PNLDC1: variants seen among roughly 807,000 people sequenced by gnomAD.
PNLDC1 encodes poly(A)-specific ribonuclease PNLDC1.
Under a neutral mutation model 82.0 loss-of-function variants are expected in PNLDC1, and 70 were observed. The observed-to-expected ratio is 0.85, with a 90% CI of 0.70 to 1.04. The LOEUF (loss-of-function observed/expected upper bound fraction) is 1.04, where lower values mean the gene tolerates loss of function less well. PNLDC1 is among the 50% of genes least tolerant of loss of function. The probability of loss-of-function intolerance (pLI) is 0.00; values close to 1 mark genes in which losing one functional copy is unlikely to be tolerated. For missense variants in PNLDC1, 631 were observed against 661.1 expected (o/e 0.95, Z 0.50); for synonymous variants, 280 against 249.3 (o/e 1.12, Z -1.16).
intron 3 of PNLDC1, among the ~76,000 whole-genome samples, chr6:159,801,849 C>G (rs1189472332): frequency 6.6e-6 from 1 of 151,142 alleles, no homozygotes; most frequent in Non-Finnish European, 1.5e-5. Flanking sequence ...ATTTGGAGAT[C>G]TTTCTGTATC....
chr6:159,818,551 G>GCAGCAT lies in PNLDC1; in HGVS notation c.1158-2_1161dup. 1 of 1,613,326 alleles carries GCAGCAT rather than the reference G, an allele frequency of 6.2e-7. No individual in the cohort carries two copies. Among genetic ancestry groups the GCAGCAT allele is most frequent in the Non-Finnish European group, 8.5e-7 (1 of 1,179,906 alleles). On this transcript the variant is annotated splice_polypyrimidine_tract_variant and splice_region_variant and intron_variant, in intron 15 of 18. Coordinates refer to ENST00000392167, the MANE Select transcript of PNLDC1 (RefSeq NM_001271862.2). ...GACAGCTTTGGGGTTTTCTGTCCTT[G>GCAGCAT]CAGCATCGACCCCGTGCCCGAGTCA...
At position 159,816,013 on chromosome 6, in the gene PNLDC1, C is replaced by A. The variant is rs201888579; in HGVS notation, c.1040C>A (p.Ala347Glu). 6.2e-7 allele frequency: 1 copy of A among 1,613,236 alleles called. No individual in the cohort carries two copies. The highest frequency in any genetic ancestry group is 1.1e-5 in the South Asian group (1 of 91,028). The stretch of plus-strand genomic sequence containing the variant: ...AATTCTGGACCAGAGATTGTTCACG[C>A]GAGCAGGTGTGAGAAATATGGTACG... ...TKNSGPEIVH[A>E]SRCEKYVETK... The change falls in exon 13 of 19, where the codon GCG becomes GAG. Residue 347 changes from alanine to glutamate, a missense_variant. Physicochemically the swap from Ala to Glu is moderately radical, Grantham distance 107 (BLOSUM62 -1). Coordinates refer to ENST00000392167, the MANE Select transcript of PNLDC1 (RefSeq NM_001271862.2).
chr6:159,808,629 C>T, intron 7 of PNLDC1, 111 bp from the exon 8 acceptor site: 1 of 1,011,780 alleles, frequency 9.9e-7, no homozygotes, highest in Non-Finnish European at 1.5e-6. Context: ...CCTTCAAGCT[C>T]CCTTTCCACT....
intron 3 of PNLDC1, among the ~76,000 whole-genome samples, 197 bp downstream of exon 3, chr6:159,801,383 CT>C (rs1173698217): frequency 6.6e-6 from 1 of 152,182 alleles, no homozygotes; most frequent in African/African-American, 2.4e-5. Context: ...TGTTTCCGTG[CT>C]TAAATAAGTC....
upstream of PNLDC1, among the ~76,000 whole-genome samples, chr6:159,799,462 T>TAAA (rs3065247): frequency 0.47 from 71,436 of 151,474 alleles, 17,827 homozygotes; most frequent in Non-Finnish European, 0.55. Context: ...AAGGAAAAAA[T>TAAA]AAAGTATAAC....
Position 159,800,818 on chromosome 6 carries a change from C to A in PNLDC1, c.123C>A (p.Pro41=). ...GCCTTCGTTCTAACCTGTCTGGGCC[C>A]CAGCAGATCAGGTAAAACTAAAGCT... ...FTGLRSNLSG[P]QQISLFDLPS... is the part of the protein sequence containing the mutation. Residue 41 remains proline (P), a synonymous_variant, in exon 2 of 19, where the codon CCC becomes CCA. Transcript: ENST00000392167. The A allele has an allele frequency of 6.2e-7, 1 of 1,614,144 alleles. No individual in the cohort carries two copies. The highest frequency in any genetic ancestry group is 8.5e-7 in the Non-Finnish European group (1 of 1,180,016).
intron 10 of PNLDC1, among the ~76,000 whole-genome samples, chr6:159,810,833 A>G (rs149504029): frequency 6.6e-6 from 1 of 152,348 alleles, no homozygotes; most frequent in Non-Finnish European, 1.5e-5. Context: ...AGAAACAATG[A>G]AACACCTGAG....
chr6:159,820,519 T>A lies in PNLDC1; in HGVS notation c.*2T>A. On this transcript the variant is annotated 3_prime_UTR_variant, in exon 19 of 19. Coordinates refer to ENST00000392167, the MANE Select transcript of PNLDC1 (RefSeq NM_001271862.2). Reference sequence around the variant, plus strand: ...ATCCTTGGAAGATCTGGTACCTGAGTGCAGCGAGGCCTCCTGCGGCCACCC... The same window carrying A: ...ATCCTTGGAAGATCTGGTACCTGAGAGCAGCGAGGCCTCCTGCGGCCACCC... 6.2e-7 allele frequency: 1 copy of A among 1,614,108 alleles called. No individual in the cohort carries two copies. Among genetic ancestry groups the A allele is most frequent in the South Asian group, 1.1e-5 (1 of 91,090 alleles).
intron 3 of PNLDC1, among the ~76,000 whole-genome samples, chr6:159,802,134 G>A (rs901411620): frequency 1.3e-5 from 2 of 152,238 alleles, no homozygotes; most frequent in Admixed American, 6.5e-5. Context: ...GTTGCGTAAT[G>A]CTGTTTCTTT....
rs1177840403 is a variant in PNLDC1 at position 159,801,099 on chromosome 6, C to T, written c.135-14C>T. 1 of 1,613,962 alleles carries T rather than the reference C, an allele frequency of 6.2e-7. No individual in the cohort carries two copies. The highest frequency in any genetic ancestry group is 2.2e-5 in the East Asian group (1 of 44,888). On this transcript the variant is annotated splice_polypyrimidine_tract_variant and intron_variant, in intron 2 of 18. Coordinates refer to ENST00000392167, the MANE Select transcript of PNLDC1 (RefSeq NM_001271862.2). ...TGTCATTGCTCGTGGAATGAGATGC[C>T]TGTTTGTTCACAGTCTTTTTGATTT...
chr6:159,804,689 C>A, intron 6 of PNLDC1, 52 bp downstream of exon 6: 1 of 1,393,838 alleles, frequency 7.2e-7, no homozygotes, highest in Non-Finnish European at 1.0e-6. Flanking sequence ...CTGTTGTCTG[C>A]ATTTCCCGTG....
At position 159,818,431 on chromosome 6, in the gene PNLDC1, C is replaced by T. The variant is rs79499075; in HGVS notation, c.1158-124C>T. 266 of 809,822 alleles carry T rather than the reference C, an allele frequency of 3.3e-4. 1 individual carries two copies. In the African/African-American group the frequency reaches 4.2e-3, roughly 13 times the overall value. 50.2% of individuals were successfully genotyped at this position (809,822 alleles called of 1,614,324 possible). On this transcript the variant is annotated intron_variant, in intron 15 of 18. Transcript: ENST00000392167. ...ACCAGAGCCCCAAGACTTGTGAGGG[C>T]AGGAGGGAGGGAGAGCCGTCCGAGG...
chr6:159,804,748 C>A, intron 6 of PNLDC1, 111 bp downstream of exon 6: 3 of 739,204 alleles, frequency 4.1e-6, no homozygotes, highest in Admixed American at 2.6e-5. Context: ...CCATGCTTGG[C>A]GGGGATGGCT....
At chr6:159,804,159 C>T in intron 5 of PNLDC1, 71 bp downstream of exon 5, 1 of 1,556,244 alleles carries the variant, frequency 6.4e-7, no homozygotes, top group African/African-American at 1.4e-5. Context: ...CTCTGTTGCC[C>T]AGGCTGGAGT....
chr6:159,817,700 C>T (rs940326869), intron 15 of PNLDC1, among the ~76,000 whole-genome samples: 8 of 152,220 alleles, frequency 5.3e-5, no homozygotes, highest in African/African-American at 1.4e-4. Flanking sequence ...GCAGCGTGCA[C>T]GCTACAGCAC....
At chr6:159,818,871 C>T (rs1781935799) in intron 16 of PNLDC1, 75 bp from the exon 17 acceptor site, 2 of 1,511,686 alleles carry the variant, frequency 1.3e-6, no homozygotes, top group African/African-American at 2.8e-5. Flanking sequence ...TTCCTAGTTT[C>T]TTTTGAGATC....
At position 159,804,085 on chromosome 6, in the gene PNLDC1, C is replaced by G; in HGVS notation, c.369C>G (p.Asn123Lys). ...TGAATCAGTATGGCTTCAACTATAA[C>G]AAGGTATGGCATTGGAGGAGGGGAA... ...QFLNQYGFNYNKFLKNGIPYM... is the reference protein window; with the variant it reads ...QFLNQYGFNYKKFLKNGIPYM... The change falls in exon 5 of 19, where the codon AAC becomes AAG. Residue 123 changes from asparagine to lysine, a missense_variant. Coordinates refer to ENST00000392167, the MANE Select transcript of PNLDC1 (RefSeq NM_001271862.2). 6.2e-7 allele frequency: 1 copy of G among 1,612,852 alleles called. No individual in the cohort carries two copies. The highest frequency in any genetic ancestry group is 8.5e-7 in the Non-Finnish European group (1 of 1,179,704).
intron 18 of PNLDC1, among the ~76,000 whole-genome samples, chr6:159,820,077 G>T (rs1182359749): frequency 6.6e-6 from 1 of 152,186 alleles, no homozygotes; most frequent in Non-Finnish European, 1.5e-5. Context: ...GGGCAGCGGG[G>T]TGGAGTCAGC....
chr6:159,800,625 G>T lies in PNLDC1; in HGVS notation c.77-147G>T, dbSNP rs758390176. 5 of 1,593,950 alleles carry T rather than the reference G, an allele frequency of 3.1e-6. No homozygotes were observed. In the East Asian group the frequency reaches 1.1e-4, roughly 36 times the overall value. Reference sequence around the variant, plus strand: ...CAGGTGCCTGGCTGCTCCTTGCCTTGGTTCCTCCATTTTCCCTTCCTGACC... The same window carrying T: ...CAGGTGCCTGGCTGCTCCTTGCCTTTGTTCCTCCATTTTCCCTTCCTGACC... On this transcript the variant is annotated intron_variant, in intron 1 of 18. Coordinates refer to ENST00000392167, the MANE Select transcript of PNLDC1 (RefSeq NM_001271862.2).
Sources: gnomAD v4.1 joint callset for allele counts (sites outside exome capture counted in the v4.1 genomes callset) on GRCh38, gnomAD v4.1.1 for gene constraint, MANE v1.5 for transcripts, NCBI Gene and HGNC (gene_info 2026-07-23, HGNC 2026-07-21) for gene names.